Variants in CNTN4 observed in about 807,000 individuals in gnomAD.
CNTN4 encodes contactin 4.
A neutral mutation model predicts 122.5 loss-of-function variants in CNTN4; 77 were observed. That is an observed-to-expected ratio of 0.63 (90% CI 0.52 to 0.76). The LOEUF (loss-of-function observed/expected upper bound fraction) is 0.76, where lower values mean the gene tolerates loss of function less well. Among genes scored for constraint, CNTN4 ranks in the 30% least tolerant of loss-of-function variants. CNTN4 has a pLI of 0.00. For missense variants in CNTN4, 1,256 were observed against 1,259.1 expected, an observed-to-expected ratio of 1.00 and a Z score of 0.04; for synonymous variants, 512 against 447.0, an observed-to-expected ratio of 1.15 and a Z score of -1.83.
At position 2,286,580 on chromosome 3, in the gene CNTN4, G is replaced by A. The variant is rs17011808; in HGVS notation, c.-144-52598G>A. ...GTGTTTAAGTCAGTTAAATCTTACAGCCAAAATGTTGTATTAATGCATGAG... is the reference window on the plus strand; with the variant it reads ...GTGTTTAAGTCAGTTAAATCTTACAACCAAAATGTTGTATTAATGCATGAG... On this transcript the variant is annotated intron_variant, in intron 2 of 24. Transcript: ENST00000418658. Among the ~76,000 whole-genome samples, 1,229 of 152,142 alleles carry A rather than the reference G, an allele frequency of 8.1e-3. 19 individuals are homozygous for A. Among genetic ancestry groups the A allele is most frequent in the African/African-American group, 0.028 (1,164 of 41,512 alleles).
chr3:2,445,361 C>T (rs930087517), intron 3 of CNTN4, among the ~76,000 whole-genome samples: 2 of 149,276 alleles, frequency 1.3e-5, no homozygotes. Flanking sequence ...CAGGTATTAC[C>T]ACCTGGGAGA....
At chr3:2,476,603 G>A (rs1243896421) in intron 3 of CNTN4, among the ~76,000 whole-genome samples, 1 of 152,144 alleles carries the variant, frequency 6.6e-6, no homozygotes, top group African/African-American at 2.4e-5. Context: ...GTCCAGGAAA[G>A]GCCAATATAG....
At chr3:3,025,655 A>C (rs1409300117) in intron 14 of CNTN4, among the ~76,000 whole-genome samples, 1 of 152,180 alleles carries the variant, frequency 6.6e-6, no homozygotes, top group Non-Finnish European at 1.5e-5. Flanking sequence ...CCTGTGCTAA[A>C]ACATTTATTA....
chr3:2,379,004 T>C (rs568937684), intron 3 of CNTN4, among the ~76,000 whole-genome samples: 1 of 152,314 alleles, frequency 6.6e-6, no homozygotes, highest in East Asian at 1.9e-4. Flanking sequence ...ATTTTCCTTT[T>C]CATTGCCATG....
rs2150454173 is a variant in CNTN4 at position 2,678,199 on chromosome 3, G to C, written c.56-58016G>C. Among the ~76,000 whole-genome samples the C allele has an allele frequency of 1.3e-5, 2 of 152,186 alleles. 1 individual carries two copies. Among genetic ancestry groups the C allele is most frequent in the Middle Eastern group, 6.8e-3 (2 of 294 alleles). ...TTCTTTTAATGCTATTTTTGGATAA[G>C]AGGTAATTATTTTTAATTGTTAAAC... On this transcript the variant is annotated intron_variant, in intron 4 of 24. Coordinates refer to ENST00000418658, the MANE Select transcript of CNTN4 (RefSeq NM_175607.3).
intron 6 of CNTN4, among the ~76,000 whole-genome samples, chr3:2,799,153 CTGTT>C (rs1285636847): frequency 5.3e-5 from 8 of 152,022 alleles, no homozygotes; most frequent in African/African-American, 1.9e-4. Flanking sequence ...TGAAAAATGT[CTGTT>C]TGTGTCCTTT....
intron 3 of CNTN4, among the ~76,000 whole-genome samples, chr3:2,512,458 C>T (rs1446380158): frequency 6.6e-6 from 1 of 152,070 alleles, no homozygotes; most frequent in Non-Finnish European, 1.5e-5. Context: ...ATGCAAGATT[C>T]ATTGTAAAAA....
At chr3:2,642,008 C>G (rs561302462) in intron 4 of CNTN4, among the ~76,000 whole-genome samples, 1 of 152,260 alleles carries the variant, frequency 6.6e-6, no homozygotes, top group East Asian at 1.9e-4. Flanking sequence ...AGGGACAGAA[C>G]TAATAGGATA....
intron 2 of CNTN4, among the ~76,000 whole-genome samples, chr3:2,169,689 G>A (rs1471209855): frequency 3.9e-5 from 6 of 152,106 alleles, no homozygotes; most frequent in Non-Finnish European, 7.4e-5. Context: ...GAGCCACCGC[G>A]CCCGGCCTAG....
chr3:2,240,238 TGTG>T (rs1204380680), intron 2 of CNTN4, among the ~76,000 whole-genome samples: 8 of 152,206 alleles, frequency 5.3e-5, no homozygotes, highest in Non-Finnish European at 1.0e-4. Context: ...GCTTTCATAT[TGTG>T]GGGTTAGATA....
intron 3 of CNTN4, among the ~76,000 whole-genome samples, chr3:2,375,790 G>A (rs2045793237): frequency 6.6e-6 from 1 of 152,064 alleles, no homozygotes; most frequent in Admixed American, 6.6e-5. Context: ...AGGACATATG[G>A]TAAAAATCTA....
chr3:2,181,439 G>T (rs927627378), intron 2 of CNTN4, among the ~76,000 whole-genome samples: 1 of 152,010 alleles, frequency 6.6e-6, no homozygotes, highest in Non-Finnish European at 1.5e-5. Context: ...CCAGTAGAAC[G>T]TATCAAACGC....
intron 4 of CNTN4, 81 bp downstream of exon 4, chr3:2,571,639 AC>A: frequency 9.9e-7 from 1 of 1,012,394 alleles, no homozygotes; most frequent in Non-Finnish European, 1.6e-6. Flanking sequence ...TTCACTTTAG[AC>A]GGCAATGATA....
intron 3 of CNTN4, among the ~76,000 whole-genome samples, chr3:2,392,038 C>T (rs536609780): frequency 1.3e-5 from 2 of 152,262 alleles, no homozygotes; most frequent in South Asian, 2.1e-4. Flanking sequence ...CAGATTAGAA[C>T]TGAACCATCT....
chr3:2,628,799 A>C (rs972131545), intron 4 of CNTN4, among the ~76,000 whole-genome samples: 23 of 152,236 alleles, frequency 1.5e-4, no homozygotes, highest in Admixed American at 1.5e-3. Flanking sequence ...ACGTAACCAA[A>C]AAAGTGGTTT....
At chr3:2,226,134 T>A (rs1328285625) in intron 2 of CNTN4, among the ~76,000 whole-genome samples, 6 of 151,576 alleles carry the variant, frequency 4.0e-5, no homozygotes, top group African/African-American at 1.5e-4. Context: ...CACGTTTTGC[T>A]TTTTTTTTAC....
At chr3:2,238,454 A>G (rs2039768123) in intron 2 of CNTN4, among the ~76,000 whole-genome samples, 1 of 151,972 alleles carries the variant, frequency 6.6e-6, no homozygotes, top group Admixed American at 6.6e-5. Context: ...ATAAAATTTC[A>G]TTTGCTGATG....
Position 2,478,375 on chromosome 3 carries a change from C to T in CNTN4, c.-88-93041C>T, listed in dbSNP as rs58824229. Reference sequence around the variant, plus strand: ...AATAATAAATGAAATATGTGAGTTCCGTGATACATAGTTGTCTTTTCTTTA... The same window carrying T: ...AATAATAAATGAAATATGTGAGTTCTGTGATACATAGTTGTCTTTTCTTTA... On this transcript the variant is annotated intron_variant, in intron 3 of 24. Transcript: ENST00000418658. Among the ~76,000 whole-genome samples the T allele has an allele frequency of 5.4e-4, 81 of 149,774 alleles. 1 individual carries two copies. The highest frequency in any genetic ancestry group is 1.9e-3 in the African/African-American group (78 of 40,888).
chr3:2,803,557 TC>T (rs1406352887), intron 6 of CNTN4, among the ~76,000 whole-genome samples: 1 of 135,984 alleles, frequency 7.4e-6, no homozygotes, highest in Non-Finnish European at 1.7e-5. Flanking sequence ...TGTGGTAAAT[TC>T]TTTTTTTTTT....
Sources: gnomAD v4.1 joint callset for allele counts (sites outside exome capture counted in the v4.1 genomes callset) on GRCh38, gnomAD v4.1.1 for gene constraint, MANE v1.5 for transcripts, NCBI Gene and HGNC (gene_info 2026-07-23, HGNC 2026-07-21) for gene names.